Variants in KLHL32 observed in about 807,000 individuals in gnomAD.
KLHL32 encodes the protein kelch-like protein 32.
Under a neutral mutation model 64.8 loss-of-function variants are expected in KLHL32, and 35 were observed. The observed-to-expected ratio is 0.54, with a 90% CI of 0.41 to 0.72. The LOEUF (loss-of-function observed/expected upper bound fraction) is 0.72, where lower values mean the gene tolerates loss of function less well. KLHL32 is among the 30% of genes least tolerant of loss of function. KLHL32 has a pLI of 0.00. For synonymous variants in KLHL32, 259 were observed against 281.0 expected (o/e 0.92, Z 0.78); for missense variants, 589 against 768.5 (o/e 0.77, Z 2.76).
intron 4 of KLHL32, among the ~76,000 whole-genome samples, chr6:97,050,620 C>T (rs1174037604): frequency 6.6e-6 from 1 of 152,176 alleles, no homozygotes; most frequent in Non-Finnish European, 1.5e-5. Flanking sequence ...GACTCTATTA[C>T]ATTAATCTAG....
At chr6:97,114,556 G>C in intron 7 of KLHL32, 47 bp downstream of exon 7, 5 of 1,603,078 alleles carry the variant, frequency 3.1e-6, no homozygotes, top group Non-Finnish European at 4.2e-6. Flanking sequence ...CTTTCATTGT[G>C]GTATATATTT....
At chr6:97,111,186 G>A (rs2128207601) in intron 6 of KLHL32, among the ~76,000 whole-genome samples, 1 of 152,318 alleles carries the variant, frequency 6.6e-6, no homozygotes, top group South Asian at 2.1e-4. Context: ...TCCATGAAGG[G>A]AAACAGAGCC....
chr6:97,032,553 C>T (rs190231780), intron 3 of KLHL32, among the ~76,000 whole-genome samples: 2 of 152,094 alleles, frequency 1.3e-5, no homozygotes, highest in East Asian at 3.8e-4. Context: ...CCTTTGTTCT[C>T]AGGAAGTTTT....
At chr6:97,118,715 TCA>T (rs918302810) in intron 7 of KLHL32, among the ~76,000 whole-genome samples, 2 of 151,168 alleles carry the variant, frequency 1.3e-5, no homozygotes, top group African/African-American at 4.9e-5. Context: ...CAGACCGTGG[TCA>T]CACACACACA....
intron 3 of KLHL32, among the ~76,000 whole-genome samples, chr6:97,009,651 T>C (rs1362439228): frequency 6.6e-6 from 1 of 152,222 alleles, no homozygotes; most frequent in Non-Finnish European, 1.5e-5. Context: ...TGAACATAAT[T>C]TGTTTACTAC....
At chr6:96,995,452 A>G (rs1315500663) in intron 3 of KLHL32, among the ~76,000 whole-genome samples, 2 of 152,208 alleles carry the variant, frequency 1.3e-5, no homozygotes, top group Admixed American at 1.3e-4. Flanking sequence ...ACCATTGTGC[A>G]GATGACTCCA....
chr6:96,898,766 G>T, the KLHL32 span, among the ~76,000 whole-genome samples: 13 of 152,150 alleles, frequency 8.5e-5, no homozygotes, highest in African/African-American at 2.9e-4. Context: ...TTCCTGAATG[G>T]GTTACTGTAG....
At position 97,064,679 on chromosome 6, in the gene KLHL32, C is replaced by A; in HGVS notation, c.364C>A (p.Leu122Ile). The change falls in exon 5 of 11, where the codon CTA (leucine) becomes ATA (isoleucine). Residue 122 changes from leucine to isoleucine, a missense_variant. Leu to Ile is a conservative substitution (Grantham distance 5). Around this residue, in one of 3 missense-constraint regions of KLHL32, gnomAD observed 191 missense variants for 223.3 expected, o/e 0.86. Coordinates refer to ENST00000369261, the MANE Select transcript of KLHL32 (RefSeq NM_052904.4). ...IQDVLAAGSH[L>I]QLLELLNLCS... ...GGATGTGCTAGCAGCGGGCAGTCAC[C>A]TACAGCTGTTGGAGCTTCTCAATTT... 1 of 1,614,172 alleles carries A rather than the reference C, an allele frequency of 6.2e-7. No individual in the cohort carries two copies. The highest frequency in any genetic ancestry group is 8.5e-7 in the Non-Finnish European group (1 of 1,180,002).
intron 3 of KLHL32, among the ~76,000 whole-genome samples, chr6:96,992,576 T>A (rs928269618): frequency 7.2e-5 from 11 of 152,258 alleles, no homozygotes; most frequent in African/African-American, 2.2e-4. Flanking sequence ...TGTGTATGTG[T>A]GAGAGAGAGA....
At chr6:97,090,763 G>A (rs535424014) in intron 6 of KLHL32, among the ~76,000 whole-genome samples, 118 of 152,308 alleles carry the variant, frequency 7.7e-4, no homozygotes, top group African/African-American at 2.8e-3. Flanking sequence ...TAGTACAAAA[G>A]GGAAAACTGA....
At position 97,114,304 on chromosome 6, in the gene KLHL32, C is replaced by A. The variant is rs1797586572; in HGVS notation, c.1149C>A (p.Pro383=). The change falls in exon 7 of 11, where the codon CCC becomes CCA. Residue 383 remains proline, a synonymous_variant. Coordinates refer to ENST00000369261, the MANE Select transcript of KLHL32 (RefSeq NM_052904.4). ...GTAATTCCTGGGCAGAGATAGCACCCATGAAAAACTGCCGGGAGCATTTTG... is the reference window on the plus strand; with the variant it reads ...GTAATTCCTGGGCAGAGATAGCACCAATGAAAAACTGCCGGGAGCATTTTG... ...PRSNSWAEIA[P]MKNCREHFVL... 6.2e-7 allele frequency: 1 copy of A among 1,614,108 alleles called. No individual in the cohort carries two copies. Among genetic ancestry groups the A allele is most frequent in the East Asian group, 2.2e-5 (1 of 44,858 alleles).
chr6:97,035,602 A>T (rs1784173925), intron 3 of KLHL32, among the ~76,000 whole-genome samples: 1 of 151,982 alleles, frequency 6.6e-6, no homozygotes, highest in African/African-American at 2.4e-5. Flanking sequence ...GTTTTGCCAG[A>T]TATTGTATAC....
chr6:97,064,978 C>A (rs527488812), intron 5 of KLHL32, among the ~76,000 whole-genome samples: 1 of 152,126 alleles, frequency 6.6e-6, no homozygotes, highest in Admixed American at 6.5e-5. Context: ...ATTGAGCAGC[C>A]GATCAACTCA....
At chr6:96,976,263 A>G in intron 3 of KLHL32, 86 bp downstream of exon 3, 1 of 1,246,216 alleles carries the variant, frequency 8.0e-7, no homozygotes, top group Non-Finnish European at 1.1e-6. Context: ...CCAGGAGCCA[A>G]TTAGGTGGTA....
chr6:97,110,921 C>T (rs903775207), intron 6 of KLHL32, among the ~76,000 whole-genome samples: 2 of 152,042 alleles, frequency 1.3e-5, no homozygotes, highest in African/African-American at 2.4e-5. Flanking sequence ...GCTTATTCTA[C>T]TTAGTAACAT....
chr6:97,001,341 C>T (rs1779008399), intron 3 of KLHL32, among the ~76,000 whole-genome samples: 1 of 152,140 alleles, frequency 6.6e-6, no homozygotes, highest in Admixed American at 6.5e-5. Flanking sequence ...CTAAAACATA[C>T]ATTTTATTAA....
intron 3 of KLHL32, among the ~76,000 whole-genome samples, chr6:96,983,427 A>G (rs1054125234): frequency 1.2e-4 from 19 of 152,250 alleles, no homozygotes; most frequent in African/African-American, 1.9e-4. Flanking sequence ...CTCTTTTTCT[A>G]TTGATTGGAA....
intron 4 of KLHL32, among the ~76,000 whole-genome samples, chr6:97,042,699 A>G (rs970628108): frequency 3.3e-5 from 5 of 152,168 alleles, no homozygotes; most frequent in African/African-American, 1.2e-4. Context: ...ATTATTTATT[A>G]TAGTTACCAT....
upstream of KLHL32, among the ~76,000 whole-genome samples, chr6:96,920,460 A>G (rs1768716745): frequency 6.6e-6 from 1 of 152,112 alleles, no homozygotes; most frequent in Admixed American, 6.5e-5. Context: ...CATCGATGGT[A>G]CTGAGGTGAC....
Sources: allele counts gnomAD v4.1 joint callset (sites outside exome capture counted in the v4.1 genomes callset), GRCh38; gene constraint gnomAD v4.1.1; regional missense constraint gnomAD v4.1.1; transcripts MANE v1.5; gene names NCBI Gene and HGNC (gene_info 2026-07-23, HGNC 2026-07-21).